The following KIF26B variants were observed in gnomAD, a reference collection of about 807,000 sequenced individuals.
KIF26B encodes the protein kinesin family member 26B.
In KIF26B, 63 loss-of-function variants were observed where a neutral mutation model predicts 151.2. The observed-to-expected ratio is 0.42, with a 90% confidence interval of 0.34 to 0.51. The LOEUF is 0.51. KIF26B is among the 20% of genes least tolerant of loss of function. KIF26B has a pLI of 0.07. For synonymous variants in KIF26B, 1,357 were observed against 1,262.1 expected (o/e 1.08, Z -1.59); for missense variants, 2,813 against 2,913.6 (o/e 0.97, Z 0.79).
chr1:245,304,502 A>G (rs1671499617), intron 2 of KIF26B, among the ~76,000 whole-genome samples: 1 of 152,208 alleles, frequency 6.6e-6, no homozygotes, highest in African/African-American at 2.4e-5. Flanking sequence ...TGCCTTCACT[A>G]ACTTTGAGGA....
intron 2 of KIF26B, among the ~76,000 whole-genome samples, chr1:245,260,099 C>T (rs1573738324): frequency 6.6e-6 from 1 of 152,032 alleles, no homozygotes; most frequent in East Asian, 1.9e-4. Flanking sequence ...CGGAGGAGAG[C>T]CTGATGAGCC....
At chr1:245,661,790 TAC>T (rs72432000) in intron 10 of KIF26B, among the ~76,000 whole-genome samples, 3 of 148,212 alleles carry the variant, frequency 2.0e-5, no homozygotes, top group Non-Finnish European at 4.5e-5. Context: ...TATATACACA[TAC>T]ACACACACAA....
At chr1:245,478,497 G>T (rs1449908107) in intron 4 of KIF26B, among the ~76,000 whole-genome samples, 1 of 142,528 alleles carries the variant, frequency 7.0e-6, no homozygotes, top group African/African-American at 2.6e-5. Flanking sequence ...GCGCGATCTC[G>T]GCTCACTGCA....
At chr1:245,655,460 C>T (rs1383163785) in intron 10 of KIF26B, among the ~76,000 whole-genome samples, 3 of 152,204 alleles carry the variant, frequency 2.0e-5, no homozygotes, top group African/African-American at 7.2e-5. Flanking sequence ...AATGAACCCT[C>T]ATGCATTTAT....
At position 245,268,667 on chromosome 1, in the gene KIF26B, G is replaced by A. The variant is rs144640424; in HGVS notation, c.466-98167G>A. Reference sequence around the variant, plus strand: ...AGTCAGCACACAGGAAGCAGAGCCCGGGAGGATTAGACCTGACATTTGAAC... The same window carrying A: ...AGTCAGCACACAGGAAGCAGAGCCCAGGAGGATTAGACCTGACATTTGAAC... On this transcript the variant is annotated intron_variant, in intron 2 of 14. Coordinates refer to ENST00000407071, the MANE Select transcript of KIF26B (RefSeq NM_018012.4). Among the ~76,000 whole-genome samples the A allele has an allele frequency of 5.1e-3, 780 of 152,114 alleles. 2 individuals are homozygous for A. The highest frequency in any genetic ancestry group is 8.3e-3 in the Non-Finnish European group (565 of 67,986).
At chr1:245,520,607 CCCACCCATCCATCCATCCAT>C (rs1661078705) in intron 4 of KIF26B, among the ~76,000 whole-genome samples, 10 of 107,494 alleles carry the variant, frequency 9.3e-5, no homozygotes, top group African/African-American at 1.3e-4. Flanking sequence ...CATCCACCCA[CCCACCCATCCATCCATCCAT>C]CCATCCATCC....
intron 4 of KIF26B, among the ~76,000 whole-genome samples, chr1:245,489,951 T>A (rs1373471576): frequency 2.6e-5 from 4 of 152,112 alleles, no homozygotes; most frequent in South Asian, 2.1e-4. Context: ...GAAACAGGAG[T>A]TCTGGGCAGG....
At chr1:245,175,936 G>GTCTATATATATAGATATAGATA (rs1668796570) in intron 2 of KIF26B, among the ~76,000 whole-genome samples, 5 of 118,744 alleles carry the variant, frequency 4.2e-5, no homozygotes, top group African/African-American at 1.8e-4. Flanking sequence ...ATATTTAGAT[G>GTCTATATATATAGATATAGATA]TCTATATATA....
chr1:245,589,786 C>A (rs569615093), intron 5 of KIF26B, among the ~76,000 whole-genome samples: 4 of 152,256 alleles, frequency 2.6e-5, no homozygotes, highest in East Asian at 1.9e-4. Context: ...CGTTACTGAT[C>A]TAGGTGAAAG....
chr1:245,306,475 A>G (rs1671541249), intron 2 of KIF26B, among the ~76,000 whole-genome samples: 1 of 152,206 alleles, frequency 6.6e-6, no homozygotes. Context: ...AATATACTAA[A>G]AAGCATAGAA....
At chr1:245,343,636 C>G (rs1672381569) in intron 2 of KIF26B, among the ~76,000 whole-genome samples, 1 of 152,158 alleles carries the variant, frequency 6.6e-6, no homozygotes, top group African/African-American at 2.4e-5. Context: ...TTGATAACGA[C>G]TTCATTCGTG....
At chr1:245,221,414 C>CT (rs143145841) in intron 2 of KIF26B, among the ~76,000 whole-genome samples, 10,976 of 140,098 alleles carry the variant, frequency 0.078, 519 homozygotes, top group Middle Eastern at 0.16. Flanking sequence ...GTTCTTCCTG[C>CT]TTTTTTTTTT....
At chr1:245,215,865 G>T (rs4658726) in intron 2 of KIF26B, among the ~76,000 whole-genome samples, 1 of 151,986 alleles carries the variant, frequency 6.6e-6, no homozygotes, top group Non-Finnish European at 1.5e-5. Flanking sequence ...TGTTTAGAGT[G>T]GTATAATGTT....
intron 4 of KIF26B, among the ~76,000 whole-genome samples, chr1:245,481,941 CTG>C (rs1044798151): frequency 2.6e-5 from 4 of 151,530 alleles, no homozygotes; most frequent in Admixed American, 2.6e-4. Flanking sequence ...CTTCTTGGCT[CTG>C]TGTGTACTTT....
chr1:245,180,058 A>G (rs965268947), intron 2 of KIF26B, among the ~76,000 whole-genome samples: 3 of 152,244 alleles, frequency 2.0e-5, no homozygotes, highest in Admixed American at 6.5e-5. Flanking sequence ...AATCGCTGGC[A>G]GCAGCAAGGG....
At chr1:245,522,489 G>A (rs1661150340) in intron 4 of KIF26B, among the ~76,000 whole-genome samples, 1 of 152,192 alleles carries the variant, frequency 6.6e-6, no homozygotes, top group South Asian at 2.1e-4. Context: ...TGTCAGAGGA[G>A]GAACTACCAA....
rs144419968 is a variant in KIF26B, at chr1:245,428,375, G to A, written c.1166+8630G>A. Among the ~76,000 whole-genome samples, 171 of 152,276 alleles carry A rather than the reference G, an allele frequency of 1.1e-3. 1 individual carries two copies. Among genetic ancestry groups the A allele is most frequent in the African/African-American group, 4.0e-3 (166 of 41,548 alleles). On this transcript the variant is annotated intron_variant, in intron 4 of 14. Coordinates refer to ENST00000407071, the MANE Select transcript of KIF26B (RefSeq NM_018012.4). ...TATATTTAGTGCCATCCGATTTCAA[G>A]GGCCCTAGAAAACAGTCTCAGGCAT...
chr1:245,556,614 C>G (rs552034949), intron 5 of KIF26B, among the ~76,000 whole-genome samples: 1 of 152,142 alleles, frequency 6.6e-6, no homozygotes, highest in Non-Finnish European at 1.5e-5. Flanking sequence ...GTTGCCCAGG[C>G]TGGTCTCAAA....
intron 2 of KIF26B, among the ~76,000 whole-genome samples, chr1:245,342,950 G>A (rs1160187849): frequency 1.3e-5 from 2 of 152,050 alleles, no homozygotes. Context: ...GCCGAGTGTG[G>A]TGGTGGGCGC....
Sources: allele counts gnomAD v4.1 joint callset (sites outside exome capture counted in the v4.1 genomes callset), GRCh38; gene constraint gnomAD v4.1.1; transcripts MANE v1.5; gene names NCBI Gene and HGNC (gene_info 2026-07-23, HGNC 2026-07-21).